Variants in EPM2A observed in about 807,000 individuals in gnomAD.
EPM2A encodes the protein laforin.
In EPM2A, 21 loss-of-function variants were observed where a neutral mutation model predicts 26.5. The ratio of observed to expected loss-of-function variants is 0.79; its 90% CI spans 0.56 to 1.14. The LOEUF (loss-of-function observed/expected upper bound fraction) is 1.14, where lower values mean the gene tolerates loss of function less well. Ranked by LOEUF, EPM2A falls within the 50% of genes most tolerant of loss-of-function variation. The pLI is 0.00. For synonymous variants in EPM2A, 217 were observed against 177.6 expected, an observed-to-expected ratio of 1.22 and a Z score of -1.76; for missense variants, 458 against 440.8, an observed-to-expected ratio of 1.04 and a Z score of -0.35.
At chr6:145,415,139 C>A (rs1472977843) in intron 4 of EPM2A, among the ~76,000 whole-genome samples, 2 of 152,186 alleles carry the variant, frequency 1.3e-5, no homozygotes, top group Admixed American at 1.3e-4. Context: ...TTCTGGGAAG[C>A]ATGCAAGTTC....
chr6:145,438,337 A>C (rs1234679629), intron 4 of EPM2A, among the ~76,000 whole-genome samples: 1 of 152,094 alleles, frequency 6.6e-6, no homozygotes, highest in Non-Finnish European at 1.5e-5. Flanking sequence ...TTGTGTGCTT[A>C]TCTCTCCCCT....
chr6:145,475,341 T>C (rs1216382961), intron 4 of EPM2A, among the ~76,000 whole-genome samples: 1 of 152,066 alleles, frequency 6.6e-6, no homozygotes. Flanking sequence ...CTGGAAACCA[T>C]CATACTCAGC....
Position 145,559,515 on chromosome 6 carries a change from A to G in EPM2A, c.341-56940T>C, listed in dbSNP as rs898242876. Among the ~76,000 whole-genome samples, 8 of 152,196 alleles carry G rather than the reference A, an allele frequency of 5.3e-5. No homozygotes were observed. The East Asian group carries it at 1.4e-3, about 26-fold the overall frequency. On this transcript the variant is annotated intron_variant, in intron 2 of 3. Coordinates refer to the EPM2A transcript ENST00000450221. Reference sequence around the variant, plus strand: ...ATAAAGGATAGAGACTAAATTATTTATAATTATTACAGTTATCTTTAATAT... The same window carrying G: ...ATAAAGGATAGAGACTAAATTATTTGTAATTATTACAGTTATCTTTAATAT...
intron 1 of EPM2A, among the ~76,000 whole-genome samples, chr6:145,689,078 C>G (rs1562491480): frequency 6.6e-6 from 1 of 152,088 alleles, no homozygotes; most frequent in African/African-American, 2.4e-5. Context: ...TTACAATGGT[C>G]AAGAAGAATT....
chr6:145,605,135 C>G (rs13196782), intron 2 of EPM2A, among the ~76,000 whole-genome samples: 54 of 152,070 alleles, frequency 3.6e-4, no homozygotes, highest in Non-Finnish European at 7.2e-4. Context: ...TTTAAGAAAA[C>G]TTATACCTAA....
chr6:145,430,188 G>A lies in EPM2A; in HGVS notation c.556-46091C>T, dbSNP rs868793997. On this transcript the variant is annotated intron_variant, in intron 4 of 4. Coordinates refer to the EPM2A transcript ENST00000638717. ...GCCTGGGCAACAAGAGTGAAACTCCGTCTCAAATAAATAAATAAAAATAAA... is the reference window on the plus strand; with the variant it reads ...GCCTGGGCAACAAGAGTGAAACTCCATCTCAAATAAATAAATAAAAATAAA... 8.7e-5 allele frequency among the ~76,000 whole-genome samples: 13 copies of A among 149,934 alleles called. No individual in the cohort carries two copies. The East Asian group carries it at 1.6e-3, about 19-fold the overall frequency.
chr6:145,429,945 C>A lies in EPM2A; in HGVS notation c.556-45848G>T, dbSNP rs559321205. The stretch of plus-strand genomic sequence containing the variant: ...GGCACAGTGGCACACACCTGTAATC[C>A]CAGCACTCTGAGAGGCTGAGGCGGG... On this transcript the variant is annotated intron_variant, in intron 4 of 4. Coordinates refer to the EPM2A transcript ENST00000638717. Among the ~76,000 whole-genome samples the A allele has an allele frequency of 7.2e-5, 11 of 152,232 alleles. No individual in the cohort carries two copies. In the South Asian group the frequency reaches 2.1e-3, roughly 29 times the overall value.
chr6:145,481,812 T>G (rs1260895263), intron 4 of EPM2A, among the ~76,000 whole-genome samples: 1 of 152,194 alleles, frequency 6.6e-6, no homozygotes, highest in Non-Finnish European at 1.5e-5. Flanking sequence ...ATTATTTTTC[T>G]AACAGAAAAT....
In EPM2A at chr6:145,735,299, G is replaced by A. The variant is rs1481277851; in HGVS notation, c.200C>T (p.Ala67Val). 4 of 1,411,574 alleles carry A rather than the reference G, an allele frequency of 2.8e-6. No individual in the cohort carries two copies. The highest frequency in any genetic ancestry group is 2.1e-4 in the Middle Eastern group (1 of 4,764). The allele number at this position is 1,411,574 out of a possible 1,614,324, so 87.4% of individuals were successfully genotyped here. A position where few individuals can be genotyped will look rare whatever the true frequency, so the allele number is the denominator to read the frequency against. Residue 67 changes from alanine (A) to valine (V), a missense_variant, in exon 1 of 4, where the codon GCG (alanine) becomes GTG (valine). Physicochemically the swap from Ala to Val is moderately conservative, Grantham distance 64 (BLOSUM62 0). Coordinates refer to ENST00000367519, the MANE Select transcript of EPM2A (RefSeq NM_005670.4). ...CCCGTCCTGCGCCGCCTCCTCGGCC[G>A]CCAGCTCCACCTCCCCGAGCCACAG... ...PGLWLGEVELAAEEAAQDGAE... is the reference protein window; with the variant it reads ...PGLWLGEVELVAEEAAQDGAE...
intron 4 of EPM2A, among the ~76,000 whole-genome samples, chr6:145,392,535 C>T (rs1459589193): frequency 1.3e-5 from 2 of 152,036 alleles, no homozygotes; most frequent in African/African-American, 4.8e-5. Flanking sequence ...TCAACCCCTC[C>T]TTTCCACACC....
At chr6:145,501,715 T>G (rs1779892102) in exon 4 of EPM2A, 1 of 460,396 alleles carries the variant, frequency 2.2e-6, no homozygotes, top group Non-Finnish European at 4.5e-6. Flanking sequence ...TCAATGCTTA[T>G]GAAATTTTTC....
intron 1 of EPM2A, among the ~76,000 whole-genome samples, chr6:145,714,576 T>C (rs778833051): frequency 2.0e-5 from 3 of 152,196 alleles, no homozygotes; most frequent in Non-Finnish European, 4.4e-5. Flanking sequence ...ATTTTCACAA[T>C]GCTGATAGAG....
intron 2 of EPM2A, among the ~76,000 whole-genome samples, chr6:145,661,307 T>C (rs1026657353): frequency 6.6e-6 from 1 of 152,214 alleles, no homozygotes. Context: ...CATTACTGTA[T>C]AGAATCTTGA....
At chr6:145,523,113 G>C (rs776477099) in intron 2 of EPM2A, among the ~76,000 whole-genome samples, 1 of 152,104 alleles carries the variant, frequency 6.6e-6, no homozygotes, top group Non-Finnish European at 1.5e-5. Flanking sequence ...TTTCTCTCTG[G>C]ACTGTGAGTT....
At chr6:145,491,466 C>T (rs546614009) in intron 4 of EPM2A, among the ~76,000 whole-genome samples, 9 of 152,134 alleles carry the variant, frequency 5.9e-5, no homozygotes, top group East Asian at 1.9e-4. Flanking sequence ...ACCATCAAGC[C>T]GTCCCTTTGA....
intron 1 of EPM2A, among the ~76,000 whole-genome samples, chr6:145,690,767 C>T (rs182738412): frequency 4.0e-5 from 6 of 151,678 alleles, no homozygotes; most frequent in Non-Finnish European, 7.4e-5. Context: ...AATGAAGAAT[C>T]GGAATGTCTC....
intron 1 of EPM2A, 173 bp downstream of exon 1, chr6:145,735,025 G>A: frequency 2.6e-6 from 1 of 380,916 alleles, no homozygotes; most frequent in Admixed American, 4.8e-5. Flanking sequence ...CGACAGCGTG[G>A]CCGGCAGAGC....
At chr6:145,555,822 A>T (rs577283949) in intron 2 of EPM2A, among the ~76,000 whole-genome samples, 1 of 151,570 alleles carries the variant, frequency 6.6e-6, no homozygotes, top group East Asian at 2.0e-4. Flanking sequence ...TATTCCACAC[A>T]CTCCCCCCAC....
At chr6:145,399,850 A>G (rs967904641) in intron 4 of EPM2A, among the ~76,000 whole-genome samples, 1 of 152,196 alleles carries the variant, frequency 6.6e-6, no homozygotes, top group Non-Finnish European at 1.5e-5. Flanking sequence ...CTTTTTGGCT[A>G]TCTCCTGACT....
Sources: gnomAD v4.1 joint callset for allele counts (sites outside exome capture counted in the v4.1 genomes callset) on GRCh38, gnomAD v4.1.1 for gene constraint, MANE v1.5 for transcripts, NCBI Gene and HGNC (gene_info 2026-07-23, HGNC 2026-07-21) for gene names.